CTNNA1: variants seen among roughly 807,000 people sequenced by gnomAD.
CTNNA1 encodes catenin alpha-1.
A neutral mutation model predicts 98.4 loss-of-function variants in CTNNA1; 37 were observed. The observed-to-expected ratio is 0.38, with a 90% CI of 0.29 to 0.49. CTNNA1 has a LOEUF of 0.49. CTNNA1 is among the 20% of genes least tolerant of loss of function. CTNNA1 has a pLI of 0.95. For synonymous variants in CTNNA1, 404 were observed against 413.2 expected (o/e 0.98, Z 0.27); for missense variants, 761 against 1,147.2 (o/e 0.66, Z 4.86).
rs1052655356 is a variant in CTNNA1 at position 138,887,552 on chromosome 5, G to A, written c.1206G>A (p.Leu402=). 9.3e-6 allele frequency: 15 copies of A among 1,611,336 alleles called. No homozygotes were observed. Among genetic ancestry groups the A allele is most frequent in the Non-Finnish European group, 1.3e-5 (15 of 1,178,326 alleles). Reference sequence around the variant, plus strand: ...TCCTGGAAACCAATGTTCCACTTTTGGTATTGATTGAAGCTGCAAAGAATG... The same window carrying A: ...TCCTGGAAACCAATGTTCCACTTTTAGTATTGATTGAAGCTGCAAAGAATG... The part of the protein sequence containing the change: ...DSFLETNVPL[L]VLIEAAKNGN... The change falls in exon 9 of 18, where the codon TTG becomes TTA. Residue 402 remains leucine (L), a synonymous_variant. Coordinates refer to ENST00000302763, the MANE Select transcript of CTNNA1 (RefSeq NM_001903.5).
chr5:138,864,190 T>C (rs1385114666), intron 7 of CTNNA1, among the ~76,000 whole-genome samples: 7 of 152,184 alleles, frequency 4.6e-5, no homozygotes, highest in African/African-American at 1.7e-4. Flanking sequence ...AGTCTTGACC[T>C]CAAGTGGTCC....
intron 13 of CTNNA1, among the ~76,000 whole-genome samples, chr5:138,928,445 C>T (rs1764595581): frequency 1.3e-5 from 2 of 152,168 alleles, no homozygotes; most frequent in South Asian, 4.1e-4. Flanking sequence ...TATTTTTACT[C>T]CTCCAAGCAG....
intron 3 of CTNNA1, among the ~76,000 whole-genome samples, chr5:138,794,316 C>T (rs1479026748): frequency 6.6e-6 from 1 of 151,942 alleles, no homozygotes; most frequent in Non-Finnish European, 1.5e-5. Flanking sequence ...TGGGCCTGGC[C>T]TCTTTTCTTT....
chr5:138,891,654 C>T (rs772556736), intron 9 of CTNNA1, among the ~76,000 whole-genome samples: 4 of 151,940 alleles, frequency 2.6e-5, no homozygotes, highest in South Asian at 2.1e-4. Flanking sequence ...CAGCTACTTG[C>T]GAGGCAAGGT....
intron 1 of CTNNA1, among the ~76,000 whole-genome samples, chr5:138,758,308 TCTC>T (rs775254627): frequency 4.6e-5 from 7 of 152,160 alleles, no homozygotes; most frequent in African/African-American, 7.2e-5. Context: ...TTCATGCCGT[TCTC>T]CTGCCTCAGC....
At chr5:138,892,125 A>G (rs576087150) in intron 9 of CTNNA1, among the ~76,000 whole-genome samples, 1 of 152,242 alleles carries the variant, frequency 6.6e-6, no homozygotes, top group South Asian at 2.1e-4. Flanking sequence ...TAAAATGTAT[A>G]AAACCAAGCT....
At chr5:138,854,150 AT>A (rs1561596589) in intron 7 of CTNNA1, among the ~76,000 whole-genome samples, 1 of 151,936 alleles carries the variant, frequency 6.6e-6, no homozygotes, top group Admixed American at 6.6e-5. Context: ...ATTTGTTTTT[AT>A]TTTTTTACCC....
chr5:138,879,209 G>C (rs541850323), intron 7 of CTNNA1, among the ~76,000 whole-genome samples: 1 of 144,518 alleles, frequency 6.9e-6, no homozygotes, highest in African/African-American at 2.5e-5. Context: ...CATTTTTAGG[G>C]TGGAGGTCCT....
intron 3 of CTNNA1, among the ~76,000 whole-genome samples, chr5:138,788,980 A>G (rs1373137359): frequency 2.0e-5 from 3 of 152,168 alleles, no homozygotes; most frequent in African/African-American, 7.2e-5. Flanking sequence ...AGAAACTGAA[A>G]TCCACCTTTT....
chr5:138,872,987 T>C, intron 7 of CTNNA1: 1 of 1,523,080 alleles, frequency 6.6e-7, no homozygotes, highest in Non-Finnish European at 8.9e-7. Flanking sequence ...TTATCTGATG[T>C]GATTTTTGAT....
chr5:138,841,288 T>A (rs1364020054), intron 7 of CTNNA1, among the ~76,000 whole-genome samples: 1 of 152,124 alleles, frequency 6.6e-6, no homozygotes, highest in Non-Finnish European at 1.5e-5. Context: ...GAGATGGAGT[T>A]TCCCTCTGTC....
intron 3 of CTNNA1, among the ~76,000 whole-genome samples, chr5:138,798,864 C>T (rs11954766): frequency 0.036 from 5,466 of 152,168 alleles, 266 homozygotes; most frequent in African/African-American, 0.11. Flanking sequence ...GTTTTACAAC[C>T]GTGCGATCTT....
chr5:138,933,462 T>A (rs1294736722), intron 17 of CTNNA1, among the ~76,000 whole-genome samples: 1 of 152,184 alleles, frequency 6.6e-6, no homozygotes, highest in Non-Finnish European at 1.5e-5. Context: ...CTGTCTCGAT[T>A]CCTGCTTCTC....
intron 5 of CTNNA1, among the ~76,000 whole-genome samples, chr5:138,823,135 TA>T (rs572273881): frequency 8.8e-4 from 134 of 152,364 alleles, no homozygotes; most frequent in African/African-American, 3.2e-3. Flanking sequence ...TTATCACCTG[TA>T]TTCTTCTTCT....
intron 7 of CTNNA1, among the ~76,000 whole-genome samples, chr5:138,852,873 A>G (rs62381201): frequency 1.3e-4 from 17 of 126,218 alleles, no homozygotes; most frequent in African/African-American, 4.5e-4. Context: ...GCGCGCGCGC[A>G]CACACACATT....
chr5:138,924,280 T>TTG (rs1763517749), intron 11 of CTNNA1, among the ~76,000 whole-genome samples: 4 of 133,744 alleles, frequency 3.0e-5, no homozygotes, highest in Admixed American at 2.8e-4. Flanking sequence ...TTTTTATTTT[T>TTG]TGTTTTTTTT....
chr5:138,875,657 C>T (rs1751317042), intron 7 of CTNNA1: 34 of 985,244 alleles, frequency 3.5e-5, no homozygotes, highest in South Asian at 4.7e-5. Flanking sequence ...GTTAGACTGC[C>T]GATTCTGCAT....
At chr5:138,850,337 A>C (rs910779252) in intron 7 of CTNNA1, among the ~76,000 whole-genome samples, 20 of 152,070 alleles carry the variant, frequency 1.3e-4, no homozygotes, top group African/African-American at 4.3e-4. Context: ...ATTGCAATGA[A>C]CTCTATGAAG....
chr5:138,863,150 GT>G (rs150352480), intron 7 of CTNNA1, among the ~76,000 whole-genome samples: 5 of 150,262 alleles, frequency 3.3e-5, no homozygotes, highest in Admixed American at 6.6e-5. Flanking sequence ...AATCTAGGTG[GT>G]TTTTTTTTAA....
Sources: allele counts gnomAD v4.1 joint callset (sites outside exome capture counted in the v4.1 genomes callset), GRCh38; gene constraint gnomAD v4.1.1; transcripts MANE v1.5; gene names NCBI Gene and HGNC (gene_info 2026-07-23, HGNC 2026-07-21).